AGBL4: variants seen among roughly 807,000 people sequenced by gnomAD.
AGBL4 encodes the protein AGBL carboxypeptidase 4.
AGBL4 carries 58 observed loss-of-function variants against 66.4 expected under a neutral mutation model. The observed-to-expected ratio is 0.87, with a 90% CI of 0.71 to 1.09. AGBL4 has a LOEUF of 1.09. Ranked by LOEUF, AGBL4 falls within the 50% of genes least tolerant of loss-of-function variation. The pLI is 0.00. For missense variants in AGBL4, 579 were observed against 631.0 expected (o/e 0.92, Z 0.88); for synonymous variants, 234 against 222.9 (o/e 1.05, Z -0.44).
At chr1:49,931,753 T>C (rs1653387051) in intron 1 of AGBL4, among the ~76,000 whole-genome samples, 1 of 152,150 alleles carries the variant, frequency 6.6e-6, no homozygotes. Flanking sequence ...ATTTTAGAAA[T>C]TCACAAGCTG....
rs199998442 is a variant in AGBL4 at position 49,838,847 on chromosome 1, TA to T, written c.157+12548del. ...TCTAGTGGTACCTTAAATTGTTATT[TA>T]AAAAAAACTCAACCATATTTAATAA... On this transcript the variant is annotated intron_variant, in intron 2 of 13. Coordinates refer to ENST00000371839, the MANE Select transcript of AGBL4 (RefSeq NM_032785.4). Among the ~76,000 whole-genome samples, 686 of 152,118 alleles carry T rather than the reference TA, an allele frequency of 4.5e-3. 6 individuals carry two copies. The highest frequency in any genetic ancestry group is 0.015 in the African/African-American group (613 of 41,502).
At chr1:49,711,446 C>T (rs1392487248) in intron 2 of AGBL4, among the ~76,000 whole-genome samples, 4 of 151,982 alleles carry the variant, frequency 2.6e-5, no homozygotes, top group Non-Finnish European at 5.9e-5. Context: ...ATGGATCAAT[C>T]TCAAATCATT....
intron 3 of AGBL4, among the ~76,000 whole-genome samples, chr1:49,564,480 G>A (rs1428178518): frequency 4.6e-5 from 7 of 152,144 alleles, no homozygotes; most frequent in Non-Finnish European, 1.0e-4. Context: ...TGCTTTGAAT[G>A]TGTCCCAGAC....
At chr1:48,541,567 C>T (rs904350898) in intron 11 of AGBL4, among the ~76,000 whole-genome samples, 1 of 152,148 alleles carries the variant, frequency 6.6e-6, no homozygotes, top group African/African-American at 2.4e-5. Context: ...AGGTAAGGAG[C>T]TTGAGACCAG....
At position 49,547,785 on chromosome 1, in the gene AGBL4, T is replaced by C. The variant is rs553996452; in HGVS notation, c.282+149528A>G. ...TAAAAGGGGTTGAGTCTTTTTTTTT[T>C]TTTCTTGAGACAGAGTCTTACTCTG... On this transcript the variant is annotated intron_variant, in intron 3 of 13. Coordinates refer to ENST00000371839, the MANE Select transcript of AGBL4 (RefSeq NM_032785.4). 2.6e-5 allele frequency among the ~76,000 whole-genome samples: 4 copies of C among 152,080 alleles called. No homozygotes were observed. In the East Asian group the frequency reaches 7.7e-4, roughly 29 times the overall value.
At chr1:49,204,438 T>C (rs1397706179) in intron 4 of AGBL4, among the ~76,000 whole-genome samples, 1 of 151,452 alleles carries the variant, frequency 6.6e-6, no homozygotes, top group Non-Finnish European at 1.5e-5. Flanking sequence ...ACCTGGCTAG[T>C]TAAGAAAAAA....
rs190745907 is a variant in AGBL4, at chr1:48,920,558, C to T, written c.595-53328G>A. ...AAAGCACCTTCAGGTGTGATATTTA[C>T]ATACATGATCTTAAAAACAACCCTA... On this transcript the variant is annotated intron_variant, in intron 5 of 13. Transcript: ENST00000371839. Among the ~76,000 whole-genome samples, 474 of 152,300 alleles carry T rather than the reference C, an allele frequency of 3.1e-3. 3 individuals carry two copies. The highest frequency in any genetic ancestry group is 0.01 in the African/African-American group (422 of 41,566).
intron 4 of AGBL4, among the ~76,000 whole-genome samples, chr1:49,220,582 C>T (rs1266956547): frequency 6.6e-6 from 1 of 152,036 alleles, no homozygotes; most frequent in Non-Finnish European, 1.5e-5. Context: ...CACCTATTGC[C>T]CACCACAACA....
chr1:49,007,656 C>A (rs1435163838), intron 5 of AGBL4, among the ~76,000 whole-genome samples: 2 of 151,766 alleles, frequency 1.3e-5, no homozygotes, highest in Non-Finnish European at 2.9e-5. Flanking sequence ...AAAGGGAAGC[C>A]CATCAGACTA....
intron 3 of AGBL4, among the ~76,000 whole-genome samples, chr1:49,683,753 A>C (rs1646739504): frequency 6.6e-6 from 1 of 152,236 alleles, no homozygotes; most frequent in South Asian, 2.1e-4. Context: ...ATAATGAATG[A>C]ATCATCAAGA....
intron 1 of AGBL4, among the ~76,000 whole-genome samples, chr1:49,908,424 C>T (rs960552361): frequency 3.3e-5 from 5 of 152,096 alleles, no homozygotes; most frequent in African/African-American, 7.2e-5. Context: ...TAAAAGTACT[C>T]GGCACCCTCC....
chr1:49,747,915 A>G (rs1246325758), intron 2 of AGBL4, among the ~76,000 whole-genome samples: 1 of 150,652 alleles, frequency 6.6e-6, no homozygotes, highest in Non-Finnish European at 1.5e-5. Flanking sequence ...TATCCAAAGA[A>G]ACAGAACCAA....
intron 3 of AGBL4, among the ~76,000 whole-genome samples, chr1:49,410,399 C>T (rs1209713385): frequency 2.0e-5 from 3 of 152,156 alleles, no homozygotes; most frequent in Admixed American, 1.3e-4. Flanking sequence ...GTTCTGGAAT[C>T]CCTCTAACCT....
chr1:49,396,471 CG>C (rs1644977958), intron 3 of AGBL4, among the ~76,000 whole-genome samples: 1 of 151,928 alleles, frequency 6.6e-6, no homozygotes. Flanking sequence ...CATATATAAT[CG>C]AGCTAAAAAA....
rs1428949343 is a variant in AGBL4 at position 48,772,782 on chromosome 1, C to A, written c.634+94409G>T. Among the ~76,000 whole-genome samples, 4 of 152,304 alleles carry A rather than the reference C, an allele frequency of 2.6e-5. No individual in the cohort carries two copies. The East Asian group carries it at 7.7e-4, about 29-fold the overall frequency. ...TCAATAGTTTAGATAAGAGCTGATG[C>A]TGACCTGAATGCAGGCAGTGATGGT... On this transcript the variant is annotated intron_variant, in intron 6 of 13. Coordinates refer to ENST00000371839, the MANE Select transcript of AGBL4 (RefSeq NM_032785.4).
intron 4 of AGBL4, among the ~76,000 whole-genome samples, chr1:49,221,350 T>G (rs930634258): frequency 6.6e-6 from 1 of 152,130 alleles, no homozygotes; most frequent in African/African-American, 2.4e-5. Flanking sequence ...TCAGAGGCAC[T>G]GAAGTCCTCA....
At chr1:49,861,653 C>T (rs1646575704) in intron 1 of AGBL4, among the ~76,000 whole-genome samples, 1 of 152,064 alleles carries the variant, frequency 6.6e-6, no homozygotes, top group African/African-American at 2.4e-5. Context: ...TTTGAGCTAC[C>T]TCAACACAGC....
intron 1 of AGBL4, among the ~76,000 whole-genome samples, chr1:49,859,587 T>C (rs1646517872): frequency 6.6e-6 from 1 of 152,170 alleles, no homozygotes; most frequent in Admixed American, 6.5e-5. Flanking sequence ...TTCCTTGACA[T>C]GATAAAAGGA....
At chr1:48,825,263 A>G (rs533914184) in intron 6 of AGBL4, among the ~76,000 whole-genome samples, 2 of 152,110 alleles carry the variant, frequency 1.3e-5, no homozygotes, top group Non-Finnish European at 2.9e-5. Flanking sequence ...CCGCCTTCTC[A>G]CTGGGTCTGT....
Sources: gnomAD v4.1 joint callset for allele counts (sites outside exome capture counted in the v4.1 genomes callset) on GRCh38, gnomAD v4.1.1 for gene constraint, MANE v1.5 for transcripts, NCBI Gene and HGNC (gene_info 2026-07-23, HGNC 2026-07-21) for gene names.